The following PRKD1 variants were observed in gnomAD, a reference collection of about 807,000 sequenced individuals.
PRKD1 encodes protein kinase D1, also known as serine/threonine-protein kinase D1.
Under a neutral mutation model 95.9 loss-of-function variants are expected in PRKD1, and 63 were observed. That is an observed-to-expected ratio of 0.66 (90% CI 0.54 to 0.81). PRKD1 has a LOEUF of 0.81. PRKD1 is among the 30% of genes least tolerant of loss of function. The pLI is 0.00. For missense variants in PRKD1, 1,048 were observed against 1,165.3 expected (o/e 0.90, Z 1.47); for synonymous variants, 425 against 423.1 (o/e 1.00, Z -0.05).
chr14:29,690,244 AC>A (rs1884150542), intron 2 of PRKD1, among the ~76,000 whole-genome samples: 2 of 151,772 alleles, frequency 1.3e-5, no homozygotes, highest in Non-Finnish European at 2.9e-5. Flanking sequence ...GTCCATCCCT[AC>A]CCCCAATATC....
intron 1 of PRKD1, among the ~76,000 whole-genome samples, chr14:29,804,010 G>C (rs1594533506): frequency 1.3e-5 from 2 of 152,090 alleles, no homozygotes; most frequent in Admixed American, 6.6e-5. Flanking sequence ...GGGAGGCCGA[G>C]GGGGGCGGAT....
intron 1 of PRKD1, among the ~76,000 whole-genome samples, chr14:29,875,668 G>A (rs1893261666): frequency 6.6e-6 from 1 of 152,158 alleles, no homozygotes; most frequent in Non-Finnish European, 1.5e-5. Flanking sequence ...TTTTATTTAT[G>A]CACTGCTGAT....
In PRKD1 at chr14:29,927,641, G is replaced by A; in HGVS notation, c.-129C>T. 1 of 664,778 alleles carries A rather than the reference G, an allele frequency of 1.5e-6. No homozygotes were observed. The highest frequency in any genetic ancestry group is 1.9e-6 in the Non-Finnish European group (1 of 533,652). The allele number at this position is 664,778 out of a possible 1,614,324, so 41.2% of individuals were successfully genotyped here. A position where few individuals can be genotyped will look rare whatever the true frequency, so the allele number is the denominator to read the frequency against. ...CCAGACGGAAAATAAAAACTTTCCGGAAAAGTCCCTGGGCTGGGGGAGGGC... is the reference window on the plus strand; with the variant it reads ...CCAGACGGAAAATAAAAACTTTCCGAAAAAGTCCCTGGGCTGGGGGAGGGC... On this transcript the variant is annotated 5_prime_UTR_variant, in exon 1 of 18. Coordinates refer to ENST00000331968, the MANE Select transcript of PRKD1 (RefSeq NM_002742.3).
intron 16 of PRKD1, among the ~76,000 whole-genome samples, chr14:29,589,178 G>A (rs980203538): frequency 6.6e-6 from 1 of 151,984 alleles, no homozygotes; most frequent in Non-Finnish European, 1.5e-5. Flanking sequence ...ATTTCTAATT[G>A]AACACATCAG....
rs77329084 is a variant in PRKD1, at chr14:29,815,509, T to G, written c.265-89835A>C. Among the ~76,000 whole-genome samples the G allele has an allele frequency of 6.0e-3, 908 of 152,326 alleles. 5 individuals carry two copies. The highest frequency in any genetic ancestry group is 0.021 in the African/African-American group (876 of 41,570). On this transcript the variant is annotated intron_variant, in intron 1 of 17. Coordinates refer to ENST00000331968, the MANE Select transcript of PRKD1 (RefSeq NM_002742.3). ...AACAAAACAAAATGTGGGAGAAATTTATTGATAGTAGTCTAACCGTTATAA... is the reference window on the plus strand; with the variant it reads ...AACAAAACAAAATGTGGGAGAAATTGATTGATAGTAGTCTAACCGTTATAA...
intron 1 of PRKD1, among the ~76,000 whole-genome samples, chr14:29,777,030 T>C (rs1448871566): frequency 6.6e-6 from 1 of 152,176 alleles, no homozygotes; most frequent in African/African-American, 2.4e-5. Context: ...CAGAATTTCA[T>C]ATCCAGTCAA....
At chr14:29,588,791 TG>T (rs1893022275) in intron 16 of PRKD1, among the ~76,000 whole-genome samples, 2 of 1,662 alleles carry the variant, frequency 1.2e-3, no homozygotes, top group South Asian at 6.7e-3. Context: ...TTCCTAAAGT[TG>T]TGTGTGTGTG....
At chr14:29,736,169 G>C (rs1345226644) in intron 1 of PRKD1, among the ~76,000 whole-genome samples, 1 of 152,134 alleles carries the variant, frequency 6.6e-6, no homozygotes, top group Admixed American at 6.5e-5. Context: ...TAGCCTCTTA[G>C]GACAGTTGTC....
intron 1 of PRKD1, among the ~76,000 whole-genome samples, chr14:29,923,750 A>G (rs1895201470): frequency 6.6e-6 from 1 of 151,824 alleles, no homozygotes; most frequent in African/African-American, 2.4e-5. Flanking sequence ...GTAATAACCA[A>G]AATGAACAAT....
intron 1 of PRKD1, among the ~76,000 whole-genome samples, chr14:29,835,763 GT>G (rs1891589288): frequency 6.6e-6 from 1 of 151,886 alleles, no homozygotes; most frequent in Admixed American, 6.6e-5. Context: ...TAGAGACAGG[GT>G]TTCACCACGT....
chr14:29,902,072 T>C (rs1365962378), intron 1 of PRKD1, among the ~76,000 whole-genome samples: 1 of 152,124 alleles, frequency 6.6e-6, no homozygotes, highest in Non-Finnish European at 1.5e-5. Flanking sequence ...AAGCATGTCT[T>C]GGAGCAAAAT....
chr14:29,733,907 A>C (rs573732983), intron 1 of PRKD1, among the ~76,000 whole-genome samples: 7 of 151,950 alleles, frequency 4.6e-5, no homozygotes, highest in Non-Finnish European at 8.8e-5. Flanking sequence ...TTCTCTCCTA[A>C]GTATGTTCAT....
chr14:29,833,782 A>G (rs1891505784), intron 1 of PRKD1, among the ~76,000 whole-genome samples: 1 of 152,110 alleles, frequency 6.6e-6, no homozygotes, highest in Non-Finnish European at 1.5e-5. Context: ...TGAAATTGCT[A>G]TTTGTTGAAT....
chr14:29,745,194 C>T (rs1197228487), intron 1 of PRKD1, among the ~76,000 whole-genome samples: 2 of 152,176 alleles, frequency 1.3e-5, no homozygotes, highest in Non-Finnish European at 2.9e-5. Context: ...TTACTCATAT[C>T]TGTTGTCCTG....
intron 1 of PRKD1, among the ~76,000 whole-genome samples, chr14:29,916,188 A>C (rs1337425573): frequency 6.6e-6 from 1 of 152,186 alleles, no homozygotes; most frequent in East Asian, 1.9e-4. Flanking sequence ...AGCTTTTCAA[A>C]ATTCTTACAG....
Position 29,666,205 on chromosome 14 carries a change from G to C in PRKD1, c.407C>G (p.Ser136Cys). The C allele has an allele frequency of 3.1e-6, 5 of 1,589,404 alleles. No homozygotes were observed. The highest frequency in any genetic ancestry group is 3.4e-6 in the Non-Finnish European group (4 of 1,162,920). Residue 136 changes from serine to cysteine, a missense_variant, in exon 3 of 18, where the codon TCC (serine) becomes TGC (cysteine). Around this residue, in one of 3 missense-constraint regions of PRKD1, gnomAD observed 275 missense variants for 248.6 expected, o/e 1.11. Transcript: ENST00000331968. Reference sequence around the variant, plus strand: ...AATCTGAAAGTCTTCAAAGGTGGCGGAAGCTGTAAAAATAGTGATGTTGAA... The same window carrying C: ...AATCTGAAAGTCTTCAAAGGTGGCGCAAGCTGTAAAAATAGTGATGTTGAA... ...GDLIEVVLSA[S>C]ATFEDFQIRP...
chr14:29,789,027 T>C (rs565385555), intron 1 of PRKD1, among the ~76,000 whole-genome samples: 1 of 151,970 alleles, frequency 6.6e-6, no homozygotes, highest in Non-Finnish European at 1.5e-5. Flanking sequence ...GCTGGGACTA[T>C]AGGTGTGCGC....
Position 29,626,535 on chromosome 14 carries a change from T to C in PRKD1, c.1747A>G (p.Ile583Val). 6.2e-7 allele frequency: 1 copy of C among 1,611,712 alleles called. No individual in the cohort carries two copies. The highest frequency in any genetic ancestry group is 1.7e-5 in the Admixed American group (1 of 59,862). ...ENVDISTVYQ[I>V]FPDEVLGSGQ... Reference sequence around the variant, plus strand: ...GAACCCAGTACTTCATCAGGAAAAATCTGATATACTGTGCTGATGTCCTAG... The same window carrying C: ...GAACCCAGTACTTCATCAGGAAAAACCTGATATACTGTGCTGATGTCCTAG... The change falls in exon 12 of 18, where the codon ATT (isoleucine) becomes GTT (valine). Residue 583 changes from isoleucine (I) to valine (V), a missense_variant. Physicochemically the swap from Ile to Val is conservative, Grantham distance 29. Transcript: ENST00000331968.
rs374443560 is a variant in PRKD1 at position 29,740,708 on chromosome 14, C to CTA, written c.265-15036_265-15035dup. ...TGAGCTTTGTAGCAGCTGTTCCTGG[C>CTA]TATCTTCAATTCTACTATTTGACCC... is the stretch of plus-strand genomic sequence containing the variant. On this transcript the variant is annotated intron_variant, in intron 1 of 17. Transcript: ENST00000331968. Among the ~76,000 whole-genome samples, 1,100 of 152,284 alleles carry CTA rather than the reference C, an allele frequency of 7.2e-3. 8 individuals carry two copies. Among genetic ancestry groups the CTA allele is most frequent in the Middle Eastern group, 0.024 (7 of 294 alleles).
Sources: gnomAD v4.1 joint callset for allele counts (sites outside exome capture counted in the v4.1 genomes callset) on GRCh38, gnomAD v4.1.1 for gene constraint, gnomAD v4.1.1 regional missense constraint, MANE v1.5 for transcripts, NCBI Gene and HGNC (gene_info 2026-07-23, HGNC 2026-07-21) for gene names.